Variants in ELSPBP1 observed in about 807,000 individuals in gnomAD.
ELSPBP1 encodes the protein epididymal sperm-binding protein 1.
Under a neutral mutation model 33.3 loss-of-function variants are expected in ELSPBP1, and 38 were observed. That is an observed-to-expected ratio of 1.14 (90% CI 0.88 to 1.50). The LOEUF (loss-of-function observed/expected upper bound fraction) is 1.50. Among genes scored for constraint, ELSPBP1 ranks in the 40% most tolerant of loss-of-function variants. ELSPBP1 has a pLI of 0.00. For synonymous variants in ELSPBP1, 85 were observed against 94.1 expected (o/e 0.90, Z 0.56); for missense variants, 267 against 263.5 (o/e 1.01, Z -0.09).
intron 1 of ELSPBP1, among the ~76,000 whole-genome samples, chr19:47,995,576 A>G (rs1966904891): frequency 6.6e-6 from 1 of 152,162 alleles, no homozygotes; most frequent in African/African-American, 2.4e-5. Flanking sequence ...ATGTAATAGA[A>G]GAGGTGTGTG....
intron 4 of ELSPBP1, among the ~76,000 whole-genome samples, chr19:48,018,910 G>A (rs1164048079): frequency 1.3e-5 from 2 of 152,124 alleles, no homozygotes. Flanking sequence ...TCCCAGCACT[G>A]TGGGAGGCCG....
rs1967047655 is a variant in ELSPBP1, at chr19:48,008,705, C to T, written c.38C>T (p.Thr13Ile). Reference sequence around the variant, plus strand: ...TCCAGTTACCTGTTGGGATGGACAACCTTCCTTCTCTATTCCTATGAGTCA... The same window carrying T: ...TCCAGTTACCTGTTGGGATGGACAATCTTCCTTCTCTATTCCTATGAGTCA... Reference protein sequence around the residue: ...RWSSYLLGWTTFLLYSYESSG... With the variant: ...RWSSYLLGWTIFLLYSYESSG... Residue 13 changes from threonine to isoleucine, a missense_variant, in exon 2 of 7, where the codon ACC becomes ATC. Physicochemically the swap from Thr to Ile is moderately conservative, Grantham distance 89. Transcript: ENST00000339841. 3 of 1,613,836 alleles carry T rather than the reference C, an allele frequency of 1.9e-6. No individual in the cohort carries two copies. Among genetic ancestry groups the T allele is most frequent in the East Asian group, 2.2e-5 (1 of 44,874 alleles).
intron 6 of ELSPBP1, among the ~76,000 whole-genome samples, chr19:48,023,623 G>A (rs915277006): frequency 6.6e-6 from 1 of 151,350 alleles, no homozygotes; most frequent in Non-Finnish European, 1.5e-5. Context: ...GAAAGGGAAG[G>A]AGGGAAGGAA....
At chr19:48,013,160 T>A (rs1302693961) in intron 2 of ELSPBP1, among the ~76,000 whole-genome samples, 1 of 152,230 alleles carries the variant, frequency 6.6e-6, no homozygotes, top group Non-Finnish European at 1.5e-5. Context: ...TGTCCTTACA[T>A]AACCTAATGT....
intron 1 of ELSPBP1, among the ~76,000 whole-genome samples, chr19:47,996,115 T>C (rs977730966): frequency 6.6e-6 from 1 of 152,166 alleles, no homozygotes; most frequent in Admixed American, 6.5e-5. Context: ...TCCTTATAGA[T>C]GATAGGGTTC....
chr19:48,008,762 A>G (rs770279650), intron 2 of ELSPBP1, 25 bp downstream of exon 2: 4 of 1,595,724 alleles, frequency 2.5e-6, no homozygotes, highest in Non-Finnish European at 3.4e-6. Context: ...AGCAACAGGG[A>G]GGATTTAGAA....
chr19:48,014,823 A>G (rs1967114794), intron 3 of ELSPBP1, among the ~76,000 whole-genome samples: 1 of 152,162 alleles, frequency 6.6e-6, no homozygotes, highest in Non-Finnish European at 1.5e-5. Context: ...AATAATGTTA[A>G]TAATGCTAGT....
rs1967126673 is a variant in ELSPBP1, at chr19:48,015,931, A to G, written c.247A>G (p.Lys83Glu). Reference sequence around the variant, plus strand: ...TATCTTCCCTTTCATCTATCGAGGAAAGGCTTATAACAGCTGCATCTCCCA... The same window carrying G: ...TATCTTCCCTTTCATCTATCGAGGAGAGGCTTATAACAGCTGCATCTCCCA... Reference protein sequence around the residue: ...RCIFPFIYRGKAYNSCISQGS... With the variant: ...RCIFPFIYRGEAYNSCISQGS... The change falls in exon 4 of 7, where the codon AAG (lysine) becomes GAG (glutamate). Residue 83 changes from lysine to glutamate, a missense_variant. Physicochemically the swap from Lys to Glu is moderately conservative, Grantham distance 56. Coordinates refer to ENST00000339841, the MANE Select transcript of ELSPBP1 (RefSeq NM_022142.5). 3.1e-6 allele frequency: 5 copies of G among 1,613,332 alleles called. No homozygotes were observed. In the South Asian group the frequency reaches 3.3e-5, roughly 11 times the overall value.
chr19:48,014,576 A>AG (rs71181627), intron 3 of ELSPBP1, among the ~76,000 whole-genome samples: 23,521 of 148,338 alleles, frequency 0.16, 2,022 homozygotes, highest in South Asian at 0.22. Flanking sequence ...CTAATGCTAA[A>AG]GACGAGTTAA....
At chr19:48,024,034 C>A (rs995758493) in intron 6 of ELSPBP1, among the ~76,000 whole-genome samples, 1 of 80,586 alleles carries the variant, frequency 1.2e-5, no homozygotes, top group Non-Finnish European at 2.5e-5. Flanking sequence ...CCATGCCCAG[C>A]AATTTTTTTT....
intron 2 of ELSPBP1, among the ~76,000 whole-genome samples, chr19:48,009,897 C>T (rs1967060086): frequency 6.6e-6 from 1 of 152,164 alleles, no homozygotes. Context: ...GGAGCCCCAA[C>T]ATCCCCTACG....
At chr19:48,007,394 T>A (rs1967032690) in intron 1 of ELSPBP1, among the ~76,000 whole-genome samples, 1 of 152,154 alleles carries the variant, frequency 6.6e-6, no homozygotes, top group Admixed American at 6.6e-5. Context: ...GAAGTGGAGA[T>A]GATCATGCCT....
intron 1 of ELSPBP1, among the ~76,000 whole-genome samples, chr19:48,007,679 G>A (rs556794816): frequency 5.9e-5 from 9 of 152,214 alleles, no homozygotes; most frequent in East Asian, 3.9e-4. Context: ...AAGGACTTTC[G>A]TCTCCAGCTA....
rs1401971285 is a variant in ELSPBP1, at chr19:48,014,208, G to A, written c.108G>A (p.Lys36=). The change falls in exon 3 of 7, where the codon AAG becomes AAA. Residue 36 remains lysine (K), a synonymous_variant. Coordinates refer to ENST00000339841, the MANE Select transcript of ELSPBP1 (RefSeq NM_022142.5). ...AATGTGTCTTTCCTTTCACCTACAA[G>A]GGATCTGTTTACTTCACTTGCACCC... ...HEECVFPFTY[K]GSVYFTCTHI... is the part of the protein sequence containing the mutation. The A allele has an allele frequency of 1.9e-6, 3 of 1,613,986 alleles. No individual in the cohort carries two copies. The highest frequency in any genetic ancestry group is 2.5e-6 in the Non-Finnish European group (3 of 1,179,978).
chr19:48,003,783 C>T (rs1476846956), intron 1 of ELSPBP1, among the ~76,000 whole-genome samples: 1 of 150,108 alleles, frequency 6.7e-6, no homozygotes, highest in South Asian at 2.1e-4. Flanking sequence ...TGACCTCAGA[C>T]GATCTGCCCA....
intron 1 of ELSPBP1, among the ~76,000 whole-genome samples, chr19:47,998,665 T>C (rs1966936043): frequency 6.6e-6 from 1 of 151,436 alleles, no homozygotes; most frequent in South Asian, 2.1e-4. Flanking sequence ...TGGGCGCCTG[T>C]AGTCCCAGCT....
At chr19:48,001,067 T>C (rs1966962472) in intron 1 of ELSPBP1, among the ~76,000 whole-genome samples, 1 of 152,160 alleles carries the variant, frequency 6.6e-6, no homozygotes, top group African/African-American at 2.4e-5. Flanking sequence ...TTCTTCCAGC[T>C]TCTAAAGGTC....
chr19:48,016,114 T>C, intron 4 of ELSPBP1, 75 bp downstream of exon 4: 5 of 1,561,942 alleles, frequency 3.2e-6, no homozygotes, highest in Non-Finnish European at 8.7e-7. Context: ...GAGGGGAGGC[T>C]GGGCAAGGTA....
chr19:48,013,757 C>T (rs925648620), intron 2 of ELSPBP1, among the ~76,000 whole-genome samples: 1 of 151,628 alleles, frequency 6.6e-6, no homozygotes, highest in Non-Finnish European at 1.5e-5. Flanking sequence ...TAAAAAGTAC[C>T]ATTGACTGCG....
Sources: allele counts gnomAD v4.1 joint callset (sites outside exome capture counted in the v4.1 genomes callset), GRCh38; gene constraint gnomAD v4.1.1; transcripts MANE v1.5; gene names NCBI Gene and HGNC (gene_info 2026-07-23, HGNC 2026-07-21).